The following SRGAP3 variants were observed in gnomAD, a reference collection of about 807,000 sequenced individuals.
SRGAP3 encodes the protein SLIT-ROBO Rho GTPase-activating protein 3.
A neutral mutation model predicts 121.1 loss-of-function variants in SRGAP3; 39 were observed. The observed-to-expected ratio is 0.32, with a 90% CI of 0.25 to 0.42. The LOEUF is 0.42. Among genes scored for constraint, SRGAP3 ranks in the 10% least tolerant of loss-of-function variants. SRGAP3 has a pLI of 1.00. For synonymous variants in SRGAP3, 601 were observed against 570.0 expected (o/e 1.05, Z -0.77); for missense variants, 1,213 against 1,470.6 (o/e 0.82, Z 2.86).
chr3:9,355,610 G>T (rs2030452741), intron 1 of SRGAP3, among the ~76,000 whole-genome samples: 1 of 152,126 alleles, frequency 6.6e-6, no homozygotes, highest in African/African-American at 2.4e-5. Context: ...TTATCAAAGA[G>T]GCTTTACCTG....
intron 1 of SRGAP3, among the ~76,000 whole-genome samples, chr3:9,238,492 G>A (rs1301629071): frequency 3.3e-5 from 5 of 152,072 alleles, no homozygotes; most frequent in Admixed American, 6.6e-5. Context: ...CTTGTTCCCC[G>A]CCCCACCACA....
intron 1 of SRGAP3, among the ~76,000 whole-genome samples, chr3:9,129,749 T>G (rs1048013621): frequency 6.6e-6 from 1 of 152,022 alleles, no homozygotes; most frequent in Non-Finnish European, 1.5e-5. Flanking sequence ...AATATCTGTA[T>G]AGCAAATTAC....
chr3:9,211,024 AAG>A (rs1952429292), intron 1 of SRGAP3, among the ~76,000 whole-genome samples: 1 of 152,226 alleles, frequency 6.6e-6, no homozygotes, highest in Non-Finnish European at 1.5e-5. Context: ...TTCTCTCCAG[AAG>A]ATAGGGTTAT....
chr3:9,329,428 A>T (rs1955568797), intron 2 of SRGAP3, among the ~76,000 whole-genome samples: 1 of 152,132 alleles, frequency 6.6e-6, no homozygotes, highest in Non-Finnish European at 1.5e-5. Flanking sequence ...CCATAGCAAA[A>T]TACGTGTGAT....
At chr3:9,159,569 A>G (rs565939928) in intron 1 of SRGAP3, among the ~76,000 whole-genome samples, 110 of 152,366 alleles carry the variant, frequency 7.2e-4, no homozygotes, top group African/African-American at 2.5e-3. Context: ...TTAAAGACAC[A>G]TAACCTGGGT....
rs137936695 is a variant in SRGAP3 at position 9,161,598 on chromosome 3, T to C, written c.68-36681A>G. Among the ~76,000 whole-genome samples the C allele has an allele frequency of 7.0e-3, 1,059 of 152,368 alleles. 10 individuals are homozygous for C. Among genetic ancestry groups the C allele is most frequent in the Non-Finnish European group, 0.012 (805 of 68,022 alleles). ...TCAATAAATGCTGAATTGAGTCCTT[T>C]CTGCAGCTCCAGGAGGTTTCTCGGA... On this transcript the variant is annotated intron_variant, in intron 1 of 21. Transcript: ENST00000383836.
At chr3:9,292,808 C>G (rs565487017) in intron 3 of SRGAP3, 3 of 152,124 alleles carry the variant, frequency 2.0e-5, no homozygotes, top group Non-Finnish European at 4.4e-5. Context: ...CCTTCTCCCC[C>G]CATTACTGCT....
At chr3:9,059,453 G>C (rs749763152) in intron 6 of SRGAP3, 1 of 152,318 alleles carries the variant, frequency 6.6e-6, no homozygotes, top group Non-Finnish European at 1.5e-5. Flanking sequence ...GGGAAAAGCA[G>C]GAGCCCCCTG....
intron 9 of SRGAP3, among the ~76,000 whole-genome samples, chr3:9,049,760 G>A (rs1945471664): frequency 6.7e-6 from 1 of 149,252 alleles, no homozygotes; most frequent in Admixed American, 6.8e-5. Flanking sequence ...TTGGGAGAGT[G>A]GTGGTCTGAG....
intron 1 of SRGAP3, among the ~76,000 whole-genome samples, chr3:9,163,690 C>T (rs893595564): frequency 1.3e-5 from 2 of 152,156 alleles, no homozygotes; most frequent in African/African-American, 4.8e-5. Flanking sequence ...GATCTCTGCT[C>T]CATACTCCTA....
chr3:9,198,858 T>C (rs892681557), intron 1 of SRGAP3, among the ~76,000 whole-genome samples: 14 of 152,162 alleles, frequency 9.2e-5, no homozygotes, highest in African/African-American at 3.4e-4. Flanking sequence ...ATACACAAAC[T>C]GGAGGAATCG....
chr3:9,121,603 C>T (rs988222936), intron 2 of SRGAP3, among the ~76,000 whole-genome samples: 16 of 152,214 alleles, frequency 1.1e-4, no homozygotes, highest in Non-Finnish European at 1.9e-4. Flanking sequence ...CCTGCATGGC[C>T]GGGCTGCCAG....
At chr3:9,235,987 C>G (rs1023421782) in intron 1 of SRGAP3, 1 of 158,000 alleles carries the variant, frequency 6.3e-6, no homozygotes, top group Non-Finnish European at 1.4e-5. Context: ...TCATCCATAC[C>G]ATCTTCAAGG....
At chr3:9,096,455 A>G (rs1947970221) in intron 3 of SRGAP3, among the ~76,000 whole-genome samples, 1 of 152,198 alleles carries the variant, frequency 6.6e-6, no homozygotes, top group African/African-American at 2.4e-5. Flanking sequence ...TTAATCTTTA[A>G]GCAGCCATCT....
At chr3:9,348,834 T>C (rs1446800511) in intron 1 of SRGAP3, 8 of 1,335,182 alleles carry the variant, frequency 6.0e-6, no homozygotes, top group Non-Finnish European at 8.6e-6. Context: ...GACCATCCTT[T>C]CTACAACATC....
intron 2 of SRGAP3, among the ~76,000 whole-genome samples, chr3:9,111,347 T>C (rs1388844807): frequency 6.6e-6 from 1 of 151,532 alleles, no homozygotes; most frequent in African/African-American, 2.4e-5. Context: ...AAAGGAAGAG[T>C]TGGAGGGCGC....
intron 1 of SRGAP3, among the ~76,000 whole-genome samples, chr3:9,344,473 A>G (rs1261892260): frequency 6.6e-6 from 1 of 152,012 alleles, no homozygotes; most frequent in Non-Finnish European, 1.5e-5. Context: ...AAATAAAAAC[A>G]ATACAAAAAT....
In SRGAP3 at chr3:9,212,685, C is replaced by T. The variant is rs149707492; in HGVS notation, c.67+36200G>A. ...AGCCAAGATCAAGCCACTGCACTCC[C>T]ACCTGGTGACAGAGAGAGACTCCGT... On this transcript the variant is annotated intron_variant, in intron 1 of 21. Coordinates refer to ENST00000383836, the MANE Select transcript of SRGAP3 (RefSeq NM_014850.4). Among the ~76,000 whole-genome samples, 48 of 152,220 alleles carry T rather than the reference C, an allele frequency of 3.2e-4. No individual in the cohort carries two copies. In the East Asian group the frequency reaches 8.7e-3, roughly 28 times the overall value.
At chr3:9,229,938 TG>T (rs1309367421) in intron 1 of SRGAP3, among the ~76,000 whole-genome samples, 5 of 152,222 alleles carry the variant, frequency 3.3e-5, no homozygotes, top group Non-Finnish European at 4.4e-5. Flanking sequence ...GTGTCTATTC[TG>T]GCCTGAATGC....
Sources: allele counts gnomAD v4.1 joint callset (sites outside exome capture counted in the v4.1 genomes callset), GRCh38; gene constraint gnomAD v4.1.1; transcripts MANE v1.5; gene names NCBI Gene and HGNC (gene_info 2026-07-23, HGNC 2026-07-21).